The following ADGRB2 variants were observed in gnomAD, a reference collection of about 807,000 sequenced individuals.
The protein encoded by ADGRB2 is adhesion G protein-coupled receptor B2.
Under a neutral mutation model 178.7 loss-of-function variants are expected in ADGRB2, and 47 were observed. The observed-to-expected ratio is 0.26, with a 90% CI of 0.21 to 0.34. ADGRB2 has a LOEUF of 0.34. Among genes scored for constraint, ADGRB2 ranks in the 10% least tolerant of loss-of-function variants. The pLI is 1.00. For missense variants in ADGRB2, 1,584 were observed against 2,180.8 expected (o/e 0.73, Z 5.45); for synonymous variants, 870 against 912.4 (o/e 0.95, Z 0.84).
intron 29 of ADGRB2, among the ~76,000 whole-genome samples, chr1:31,730,595 TCTA>T (rs1468051147): frequency 6.6e-6 from 1 of 152,160 alleles, no homozygotes; most frequent in African/African-American, 2.4e-5. Context: ...GAAGTACAAT[TCTA>T]CTGTGTGAAG....
Position 31,742,171 on chromosome 1 carries a change from C to T in ADGRB2, c.1299G>A (p.Thr433=), listed in dbSNP as rs199755907. The part of the protein sequence containing the change: ...LEWGPWGPCS[T]SCANGTQQRS... ...GCTGTTGGGTCCCATTGGCACAGGA[C>T]GTGGAGCATGGGCCCCAGGGACCCC... is the stretch of plus-strand genomic sequence containing the variant. The change falls in exon 8 of 33, where the codon ACG becomes ACA. Residue 433 remains threonine, a synonymous_variant. Transcript: ENST00000373658. The T allele has an allele frequency of 9.3e-6, 15 of 1,612,714 alleles. No individual in the cohort carries two copies. Among genetic ancestry groups the T allele is most frequent in the African/African-American group, 2.7e-5 (2 of 75,030 alleles).
Position 31,735,146 on chromosome 1 carries a change from C to T in ADGRB2, c.3452+37G>A. Reference sequence around the variant, plus strand: ...ACTGCCCCCCCCAATTCCTTTGCCCCACCCACCCCCACCGCCCCCCAGGGG... The same window carrying T: ...ACTGCCCCCCCCAATTCCTTTGCCCTACCCACCCCCACCGCCCCCCAGGGG... On this transcript the variant is annotated intron_variant, in intron 25 of 32. Transcript: ENST00000373658. The surrounding 1 kb of genome is among the most constrained non-coding windows in gnomAD (Gnocchi z 6.0). 1.4e-6 allele frequency: 2 copies of T among 1,399,146 alleles called. No individual in the cohort carries two copies. The highest frequency in any genetic ancestry group is 1.9e-6 in the Non-Finnish European group (2 of 1,063,344). The allele number at this position is 1,399,146 out of a possible 1,614,324, so 86.7% of individuals were successfully genotyped here. A position where few individuals can be genotyped will look rare whatever the true frequency, so the allele number is the denominator to read the frequency against.
chr1:31,731,047 G>T lies in ADGRB2; in HGVS notation c.4133C>A (p.Pro1378Gln). The change falls in exon 29 of 33, where the codon CCG becomes CAG. Residue 1378 changes from proline to glutamine, a missense_variant. This residue lies in a region of ADGRB2 where 865 missense variants were observed against 1,192.8 expected (regional missense o/e 0.73). Transcript: ENST00000373658. ...GGGEDAPRARPEGTPRRAAKT... is the reference protein window; with the variant it reads ...GGGEDAPRARQEGTPRRAAKT... ...GGCAGCTCGCCGGGGGGTCCCCTCCGGCCGGGCCCTGGGGGCATCCTCACC... is the reference window on the plus strand; with the variant it reads ...GGCAGCTCGCCGGGGGGTCCCCTCCTGCCGGGCCCTGGGGGCATCCTCACC... 1.3e-6 allele frequency: 2 copies of T among 1,585,744 alleles called. No homozygotes were observed. The highest frequency in any genetic ancestry group is 1.7e-6 in the Non-Finnish European group (2 of 1,164,578).
rs1339559258 is a variant in ADGRB2, at chr1:31,739,640, A to G, written c.2168-5T>C. 12 of 1,572,120 alleles carry G rather than the reference A, an allele frequency of 7.6e-6. No homozygotes were observed. Among genetic ancestry groups the G allele is most frequent in the Non-Finnish European group, 9.5e-6 (11 of 1,156,640 alleles). ...GCTCTCGCTGAATGCTGATCACTGC[A>G]GTGGGAGGAGGGTGGACAGAGACAG... On this transcript the variant is annotated splice_region_variant and splice_polypyrimidine_tract_variant and intron_variant, in intron 14 of 32. Transcript: ENST00000373658.
rs1476052642 is a variant in ADGRB2 at position 31,764,176 on chromosome 1, C to T, written c.-483G>A. On this transcript the variant is annotated 5_prime_UTR_variant, in exon 1 of 33. Transcript: ENST00000373658. This position sits in a 1 kb window ranked among gnomAD's most constrained non-coding sequence, Gnocchi z 7.3. The stretch of plus-strand genomic sequence containing the variant: ...TCCCCCGCTCCCCCGCCCCGAGCAC[C>T]GCCCGCGCCGCGCGCCGCCTCCTAT... 2 of 472,232 alleles carry T rather than the reference C, an allele frequency of 4.2e-6. No individual in the cohort carries two copies. Among genetic ancestry groups the T allele is most frequent in the Non-Finnish European group, 5.5e-6 (2 of 364,930 alleles). 29.3% of individuals were successfully genotyped at this position (472,232 alleles called of 1,614,324 possible).
rs768629267 is a variant in ADGRB2 at position 31,740,220 on chromosome 1, G to A, written c.1990-42C>T. On this transcript the variant is annotated intron_variant, in intron 12 of 32. Transcript: ENST00000373658. The surrounding 1 kb of genome is among the most constrained non-coding windows in gnomAD (Gnocchi z 5.9). ...GAGTGGCAGGGGGTCCTAGCCCCAG[G>A]GAACAGGGGGCTTCCCCCACTATAG... 2.5e-5 allele frequency: 41 copies of A among 1,612,718 alleles called. No individual in the cohort carries two copies. In the East Asian group the frequency reaches 8.7e-4, roughly 34 times the overall value.
At chr1:31,732,466 G>T (rs1260342972) in intron 27 of ADGRB2, 51 bp downstream of exon 27, 2 of 1,587,724 alleles carry the variant, frequency 1.3e-6, no homozygotes, top group Admixed American at 1.7e-5. Flanking sequence ...GGAGGATTGG[G>T]GTGGGGGGTG....
chr1:31,731,674 C>G (rs909783664), intron 28 of ADGRB2, among the ~76,000 whole-genome samples: 1 of 152,144 alleles, frequency 6.6e-6, no homozygotes, highest in Non-Finnish European at 1.5e-5. Context: ...GTGCAGGTCC[C>G]GACTTTGACC....
chr1:31,736,810 T>C, intron 20 of ADGRB2, 87 bp from the exon 21 acceptor site: 1 of 1,502,456 alleles, frequency 6.7e-7, no homozygotes, highest in South Asian at 1.3e-5. Flanking sequence ...TGCTGGGCGC[T>C]GCCACAGCCG....
chr1:31,732,170 G>A lies in ADGRB2; in HGVS notation c.3721-16C>T, dbSNP rs756853328. The A allele has an allele frequency of 2.1e-5, 34 of 1,613,936 alleles. No homozygotes were observed. Among genetic ancestry groups the A allele is most frequent in the Non-Finnish European group, 2.9e-5 (34 of 1,179,962 alleles). On this transcript the variant is annotated splice_polypyrimidine_tract_variant and intron_variant, in intron 27 of 32. Transcript: ENST00000373658. Reference sequence around the variant, plus strand: ...CAAAGTCTGACTATAGGCAGAAAGGGAGGGGCAGGTGGGCAGAGGGAGGAT... The same window carrying A: ...CAAAGTCTGACTATAGGCAGAAAGGAAGGGGCAGGTGGGCAGAGGGAGGAT...
In ADGRB2 at chr1:31,728,741, T is replaced by G; in HGVS notation, c.4381-108A>C. The G allele has an allele frequency of 7.4e-7, 1 of 1,348,370 alleles. No homozygotes were observed. 83.5% of individuals were successfully genotyped at this position (1,348,370 alleles called of 1,614,324 possible). On this transcript the variant is annotated intron_variant, in intron 29 of 32. Transcript: ENST00000373658. The surrounding 1 kb of genome is among the most constrained non-coding windows in gnomAD (Gnocchi z 6.7). ...ATCCCAGGGGTCTGCCCGCTGCACC[T>G]TCCCCCCAACCCAGGCCCAGAAGTT...
At position 31,757,518 on chromosome 1, in the gene ADGRB2, G is replaced by A; in HGVS notation, c.-190-7C>T. 2.3e-6 allele frequency: 1 copy of A among 427,316 alleles called. No individual in the cohort carries two copies. The highest frequency in any genetic ancestry group is 3.5e-5 in the South Asian group (1 of 28,894). 26.5% of individuals were successfully genotyped at this position (427,316 alleles called of 1,614,324 possible). A position where few individuals can be genotyped will look rare whatever the true frequency, so the allele number is the denominator to read the frequency against. On this transcript the variant is annotated splice_polypyrimidine_tract_variant and splice_region_variant and intron_variant, in intron 1 of 32. Coordinates refer to ENST00000373658, the MANE Select transcript of ADGRB2 (RefSeq NM_001364857.2). ...TATCACTGCTGTGGATTTCCTGGTT[G>A]GAATAAGGGGGAGAGGCACCGAGTA...
rs377241399 is a variant in ADGRB2, at chr1:31,736,333, C to T, written c.3188G>A (p.Gly1063Asp). Residue 1063 changes from glycine (G) to aspartate (D), a missense_variant, in exon 22 of 33, where the codon GGT becomes GAT. By Grantham distance (94) the Gly-to-Asp change is moderately conservative (BLOSUM62 -1). Transcript: ENST00000373658. ...GAGGCCCACGTACTAGCTGGATGTA[C>T]CGTATCCTTTCGTTCGGGTAAAGCC... ...SVGFTRTKGY[G>D]TSSYCWLSLE... The T allele has an allele frequency of 1.9e-6, 3 of 1,613,968 alleles. No homozygotes were observed. The African/African-American group carries it at 4.0e-5, about 22-fold the overall frequency.
rs1180277779 is a variant in ADGRB2, at chr1:31,744,352, G to C, written c.928C>G (p.Pro310Ala). 4 of 1,550,412 alleles carry C rather than the reference G, an allele frequency of 2.6e-6. No individual in the cohort carries two copies. The Admixed American group carries it at 7.9e-5, about 31-fold the overall frequency. ...PGLYMAQTGD[P>A]AAEEWSPWSV... ...CACGGGGACCACTCCTCAGCCGCCG[G>C]GTCGCCTACGAGAGAGGGACAGCGT... The change falls in exon 6 of 33, where the codon CCG (proline) becomes GCG (alanine). Residue 310 changes from proline to alanine, a missense_variant. Physicochemically the swap from Pro to Ala is conservative, Grantham distance 27 (BLOSUM62 -1). Coordinates refer to ENST00000373658, the MANE Select transcript of ADGRB2 (RefSeq NM_001364857.2). This position sits in a 1 kb window ranked among gnomAD's most constrained non-coding sequence, Gnocchi z 6.7.
intron 1 of ADGRB2, among the ~76,000 whole-genome samples, chr1:31,760,318 C>G (rs1053734991): frequency 1.3e-5 from 2 of 152,162 alleles, no homozygotes; most frequent in African/African-American, 4.8e-5. Flanking sequence ...GGCCCCTCCT[C>G]TAGGGGGCTG....
chr1:31,756,495 G>T lies in ADGRB2; in HGVS notation c.342C>A (p.Pro114=), dbSNP rs60306848. 1,060 of 1,612,436 alleles carry T rather than the reference G, an allele frequency of 6.6e-4. 10 individuals carry two copies. The African/African-American group carries it at 0.013, about 20-fold the overall frequency. The change falls in exon 4 of 33, where the codon CCC becomes CCA. Residue 114 remains proline (P), a synonymous_variant. Coordinates refer to ENST00000373658, the MANE Select transcript of ADGRB2 (RefSeq NM_001364857.2). The surrounding 1 kb of genome is among the most constrained non-coding windows in gnomAD (Gnocchi z 8.5). Reference sequence around the variant, plus strand: ...ACTCCGCCTGGGCCACCGCCTCCTCGGGGCTAGGCCGCAGGCAGGTAAAGT... The same window carrying T: ...ACTCCGCCTGGGCCACCGCCTCCTCTGGGCTAGGCCGCAGGCAGGTAAAGT... The part of the protein sequence containing the change: ...LVNFTCLRPS[P]EEAVAQAESE...
rs74470166 is a variant in ADGRB2, at chr1:31,754,649, C to G, written c.838+1350G>C. ...TGGGAGAGAGGCCACAGCAAAGCCA[C>G]CGGGCACTTGCCGTGGATGGGCACG... On this transcript the variant is annotated intron_variant, in intron 4 of 32. Coordinates refer to ENST00000373658, the MANE Select transcript of ADGRB2 (RefSeq NM_001364857.2). The surrounding 1 kb of genome is among the most constrained non-coding windows in gnomAD (Gnocchi z 5.7). Among the ~76,000 whole-genome samples the G allele has an allele frequency of 5.7e-4, 87 of 152,358 alleles. No homozygotes were observed. In the East Asian group the frequency reaches 8.7e-3, roughly 15 times the overall value.
chr1:31,732,209 T>C, intron 27 of ADGRB2, 55 bp from the exon 28 acceptor site: 1 of 1,609,282 alleles, frequency 6.2e-7, no homozygotes, highest in East Asian at 2.2e-5. Context: ...TGTATCAGGG[T>C]GGGAGGAGGC....
At position 31,740,343 on chromosome 1, in the gene ADGRB2, G is replaced by A; in HGVS notation, c.1989+4C>T. On this transcript the variant is annotated splice_donor_region_variant and intron_variant, in intron 12 of 32. Transcript: ENST00000373658. The surrounding 1 kb of genome is among the most constrained non-coding windows in gnomAD (Gnocchi z 5.9). ...CCTCCGCCCTCCTTCCTCCTAGGCA[G>A]TACCTGCACATCATCAGCCGAGGGC... 2.5e-6 allele frequency: 4 copies of A among 1,610,846 alleles called. No homozygotes were observed. The highest frequency in any genetic ancestry group is 3.4e-6 in the Non-Finnish European group (4 of 1,178,002).
Sources: allele counts gnomAD v4.1 joint callset (sites outside exome capture counted in the v4.1 genomes callset), GRCh38; gene constraint gnomAD v4.1.1; regional missense constraint gnomAD v4.1.1; non-coding constraint Gnocchi (gnomAD v3.1); transcripts MANE v1.5; gene names NCBI Gene and HGNC (gene_info 2026-07-23, HGNC 2026-07-21).